Variants in SCFD2 observed in about 807,000 individuals in gnomAD.
SCFD2 encodes sec1 family domain containing 2, also known as sec1 family domain-containing protein 2.
Under a neutral mutation model 58.9 loss-of-function variants are expected in SCFD2, and 54 were observed. That is an observed-to-expected ratio of 0.92 (90% confidence interval 0.74 to 1.15). The LOEUF (loss-of-function observed/expected upper bound fraction) is 1.15, where lower values mean the gene tolerates loss of function less well. SCFD2 is among the 50% of genes most tolerant of loss of function. The pLI is 0.00. For synonymous variants in SCFD2, 321 were observed against 335.9 expected (o/e 0.96, Z 0.49); for missense variants, 805 against 836.6 (o/e 0.96, Z 0.47).
At chr4:52,972,969 T>C (rs1721146138) in intron 5 of SCFD2, among the ~76,000 whole-genome samples, 1 of 152,030 alleles carries the variant, frequency 6.6e-6, no homozygotes, top group African/African-American at 2.4e-5. Context: ...TTGGAACCAA[T>C]GAGAACAAAG....
chr4:53,226,918 G>T (rs1476984340), intron 4 of SCFD2, among the ~76,000 whole-genome samples: 2 of 152,128 alleles, frequency 1.3e-5, no homozygotes, highest in Non-Finnish European at 2.9e-5. Context: ...GTTATCAGGG[G>T]ATTACATTTT....
At chr4:53,181,873 G>A (rs1191090590) in intron 4 of SCFD2, among the ~76,000 whole-genome samples, 1 of 152,140 alleles carries the variant, frequency 6.6e-6, no homozygotes, top group African/African-American at 2.4e-5. Flanking sequence ...CAGACAGAGA[G>A]CCAAATCATC....
intron 5 of SCFD2, among the ~76,000 whole-genome samples, chr4:52,952,471 G>C (rs1181046629): frequency 6.6e-6 from 1 of 152,104 alleles, no homozygotes; most frequent in East Asian, 1.9e-4. Context: ...GCTCCTGAGA[G>C]AGAAAGCAAG....
intron 5 of SCFD2, among the ~76,000 whole-genome samples, chr4:52,998,890 T>A (rs1721803020): frequency 6.6e-6 from 1 of 152,182 alleles, no homozygotes; most frequent in Non-Finnish European, 1.5e-5. Flanking sequence ...TTATGATCCA[T>A]TCCAACAGTC....
rs368695712 is a variant in SCFD2, at chr4:53,048,818, T to G, written c.1561+96515A>C. Among the ~76,000 whole-genome samples the G allele has an allele frequency of 2.0e-5, 3 of 152,284 alleles. No individual in the cohort carries two copies. The East Asian group carries it at 5.8e-4, about 29-fold the overall frequency. On this transcript the variant is annotated intron_variant, in intron 5 of 8. Transcript: ENST00000401642. ...ACTCCCAGTGCCCCTTCTTGCTTCC[T>G]CTAAAGCTGCTCACATCCTCTGCCT... is the stretch of plus-strand genomic sequence containing the variant.
chr4:52,956,075 A>G (rs1396540655), intron 5 of SCFD2: 2 of 456,518 alleles, frequency 4.4e-6, no homozygotes, highest in Non-Finnish European at 8.8e-6. Flanking sequence ...TCTCCCTCCC[A>G]GCTTGAGGTC....
At chr4:53,353,253 T>A (rs1214952073) in intron 1 of SCFD2, among the ~76,000 whole-genome samples, 1 of 152,108 alleles carries the variant, frequency 6.6e-6, no homozygotes, top group Admixed American at 6.5e-5. Context: ...GCAGCGCGTC[T>A]GGAGTTGTTC....
chr4:52,922,952 G>C (rs1340966287), intron 5 of SCFD2, among the ~76,000 whole-genome samples: 1 of 152,124 alleles, frequency 6.6e-6, no homozygotes, highest in Non-Finnish European at 1.5e-5. Flanking sequence ...TAGTTTTTAG[G>C]GAGTAGAGGT....
intron 4 of SCFD2, among the ~76,000 whole-genome samples, chr4:53,239,677 T>C (rs1355606069): frequency 6.6e-6 from 1 of 151,882 alleles, no homozygotes; most frequent in Non-Finnish European, 1.5e-5. Flanking sequence ...TAGAGACGGG[T>C]TTTTCCATGT....
intron 2 of SCFD2, among the ~76,000 whole-genome samples, chr4:53,340,683 C>A (rs1204487380): frequency 6.6e-6 from 1 of 152,188 alleles, no homozygotes; most frequent in Non-Finnish European, 1.5e-5. Context: ...CCCTCACCCC[C>A]GAGTAGCCCA....
chr4:53,238,170 G>A (rs1168637514), intron 4 of SCFD2, among the ~76,000 whole-genome samples: 7 of 137,000 alleles, frequency 5.1e-5, no homozygotes, highest in East Asian at 2.4e-4. Flanking sequence ...GTGGCTGGCC[G>A]GGCGGGGGGC....
chr4:52,996,713 CCCT>C, intron 5 of SCFD2, among the ~76,000 whole-genome samples: 1 of 152,322 alleles, frequency 6.6e-6, no homozygotes, highest in East Asian at 1.9e-4. Flanking sequence ...ATTCTCCTGA[CCCT>C]CACAGCAATG....
At chr4:52,970,412 G>C (rs1351403385) in intron 5 of SCFD2, among the ~76,000 whole-genome samples, 2 of 152,224 alleles carry the variant, frequency 1.3e-5, no homozygotes, top group South Asian at 4.1e-4. Flanking sequence ...ATGGAGCCTG[G>C]CTCATTGCTA....
chr4:53,174,967 A>G (rs1223653732), intron 4 of SCFD2, among the ~76,000 whole-genome samples: 3 of 152,140 alleles, frequency 2.0e-5, no homozygotes, highest in Non-Finnish European at 4.4e-5. Context: ...GTGACGGACC[A>G]CAGCTCCATA....
intron 4 of SCFD2, among the ~76,000 whole-genome samples, chr4:53,152,459 A>G (rs1275524661): frequency 6.6e-6 from 1 of 152,216 alleles, no homozygotes; most frequent in Non-Finnish European, 1.5e-5. Context: ...GAATATTAAC[A>G]TAAACACTAT....
At chr4:53,238,002 G>A (rs1471269153) in intron 4 of SCFD2, among the ~76,000 whole-genome samples, 1 of 139,660 alleles carries the variant, frequency 7.2e-6, no homozygotes, top group Non-Finnish European at 1.6e-5. Flanking sequence ...CCGGGCAGGG[G>A]GCTGATCCCC....
At chr4:53,068,376 C>T (rs1723722778) in intron 5 of SCFD2, among the ~76,000 whole-genome samples, 1 of 151,936 alleles carries the variant, frequency 6.6e-6, no homozygotes, top group South Asian at 2.1e-4. Context: ...GCATTAGCAC[C>T]AGTTAACTTA....
chr4:52,916,501 G>A (rs1719611405), intron 6 of SCFD2, among the ~76,000 whole-genome samples: 1 of 152,200 alleles, frequency 6.6e-6, no homozygotes, highest in Non-Finnish European at 1.5e-5. Flanking sequence ...TTGAACCTGG[G>A]AGGCAGAGGT....
At chr4:53,150,132 T>C (rs1406453274) in intron 4 of SCFD2, among the ~76,000 whole-genome samples, 1 of 152,164 alleles carries the variant, frequency 6.6e-6, no homozygotes, top group African/African-American at 2.4e-5. Flanking sequence ...TGTACTATCT[T>C]GGGAACTTTT....
Sources: gnomAD v4.1 joint callset for allele counts (sites outside exome capture counted in the v4.1 genomes callset) on GRCh38, gnomAD v4.1.1 for gene constraint, MANE v1.5 for transcripts, NCBI Gene and HGNC (gene_info 2026-07-23, HGNC 2026-07-21) for gene names.